SRP19: variants seen among roughly 807,000 people sequenced by gnomAD.
The protein encoded by SRP19 is signal recognition particle 19.
A neutral mutation model predicts 22.4 loss-of-function variants in SRP19; 11 were observed. The observed-to-expected ratio is 0.49, with a 90% CI of 0.31 to 0.81. SRP19 has a LOEUF of 0.81. Among genes scored for constraint, SRP19 ranks in the 40% least tolerant of loss-of-function variants. SRP19 has a pLI of 0.05. For synonymous variants in SRP19, 61 were observed against 57.6 expected, an observed-to-expected ratio of 1.06 and a Z score of -0.27; for missense variants, 168 against 175.9, an observed-to-expected ratio of 0.96 and a Z score of 0.25.
At chr5:112,872,113 C>T (rs1459461437), downstream of SRP19, among the ~76,000 whole-genome samples, 1 of 152,174 alleles carries the variant, frequency 6.6e-6, no homozygotes, top group Non-Finnish European at 1.5e-5. Flanking sequence ...TTCCTATCTT[C>T]CTAGCCTACC....
At chr5:112,864,354 T>G in intron 2 of SRP19, 103 bp from the exon 3 acceptor site, 1 of 992,754 alleles carries the variant, frequency 1.0e-6, no homozygotes, top group Non-Finnish European at 1.5e-6. Context: ...AACCTAGGGT[T>G]TTGGTACTTG....
chr5:112,890,726 G>A (rs1028489296), intron 4 of SRP19, among the ~76,000 whole-genome samples: 1 of 150,494 alleles, frequency 6.6e-6, no homozygotes, highest in Non-Finnish European at 1.5e-5. Context: ...CCAACAAAGA[G>A]GGATTCAAAG....
At chr5:112,876,781 C>T (rs950660142) in intron 4 of SRP19, 2 of 152,146 alleles carry the variant, frequency 1.3e-5, no homozygotes, top group African/African-American at 2.4e-5. Flanking sequence ...AACATTTACA[C>T]TTAGACTGCC....
downstream of SRP19, chr5:112,894,140 T>G (rs375897522): frequency 6.5e-4 from 94 of 145,036 alleles, no homozygotes; most frequent in African/African-American, 2.3e-3. Context: ...TTTTTTTTTT[T>G]GAGACGGAGT....
At position 112,864,482 on chromosome 5, in the gene SRP19, A is replaced by G. The variant is rs1561638253; in HGVS notation, c.143A>G (p.Glu48Gly). 6.2e-7 allele frequency: 1 copy of G among 1,613,702 alleles called. No homozygotes were observed. Among genetic ancestry groups the G allele is most frequent in the Non-Finnish European group, 8.5e-7 (1 of 1,180,000 alleles). Residue 48 changes from glutamate (E) to glycine (G), a missense_variant, in exon 3 of 5, where the codon GAG becomes GGG. Transcript: ENST00000505459. ...SKAVENPTAT[E>G]IQDVCSAVGL... ...GCTGTTGAAAATCCTACAGCTACAGAGATTCAAGATGTATGTTCAGCAGTT... is the reference window on the plus strand; with the variant it reads ...GCTGTTGAAAATCCTACAGCTACAGGGATTCAAGATGTATGTTCAGCAGTT...
At chr5:112,890,743 T>C (rs926562653) in intron 4 of SRP19, among the ~76,000 whole-genome samples, 1 of 150,704 alleles carries the variant, frequency 6.6e-6, no homozygotes, top group South Asian at 2.1e-4. Flanking sequence ...AAAGAGTTAA[T>C]ATAGTATATA....
chr5:112,867,283 T>G, intron 4 of SRP19, 121 bp from the exon 5 acceptor site: 1 of 1,246,408 alleles, frequency 8.0e-7, no homozygotes, highest in Non-Finnish European at 1.1e-6. Flanking sequence ...TTTGATTTTT[T>G]AAAAAAGTTA....
Position 112,861,363 on chromosome 5 carries a change from A to G in SRP19, c.-14A>G. On this transcript the variant is annotated 5_prime_UTR_variant, in exon 1 of 5. Transcript: ENST00000505459. ...TCTCCCTGCGGCTCCTGGGTTGTTG[A>G]GACTCTTGTGAAGATGGCTTGCGCT... 3 of 1,614,136 alleles carry G rather than the reference A, an allele frequency of 1.9e-6. No homozygotes were observed. Among genetic ancestry groups the G allele is most frequent in the South Asian group, 1.1e-5 (1 of 91,088 alleles).
At chr5:112,897,083 T>A (rs1436977070), downstream of SRP19, 1 of 152,174 alleles carries the variant, frequency 6.6e-6, no homozygotes, top group Non-Finnish European at 1.5e-5. Context: ...TAGATAGCTA[T>A]GTCAAAAAAT....
In SRP19 at chr5:112,890,074, C is replaced by T. The variant is rs184500991; in HGVS notation, c.302-1529C>T. On this transcript the variant is annotated intron_variant, in intron 4 of 4. Transcript: ENST00000391338. ...ACTCCTGACCTCAAATGATCCACCCCCATCGGCCTCCCAAAGTGCTGGGAT... is the reference window on the plus strand; with the variant it reads ...ACTCCTGACCTCAAATGATCCACCCTCATCGGCCTCCCAAAGTGCTGGGAT... Among the ~76,000 whole-genome samples the T allele has an allele frequency of 3.1e-4, 47 of 150,106 alleles. 3 individuals carry two copies. The highest frequency in any genetic ancestry group is 1.2e-3 in the African/African-American group (47 of 40,242).
downstream of SRP19, chr5:112,893,496 C>T (rs1768570762): frequency 6.4e-6 from 1 of 156,372 alleles, no homozygotes; most frequent in African/African-American, 2.4e-5. Context: ...CTGCCATAAT[C>T]TCCATGTTAT....
At chr5:112,892,756 G>A in exon 5 of SRP19, 1 of 1,613,894 alleles carries the variant, frequency 6.2e-7, no homozygotes, top group South Asian at 1.1e-5. Flanking sequence ...GGAGAAGATG[G>A]GCCACCACGA....
At chr5:112,883,404 TCTC>T (rs765824253) in intron 4 of SRP19, among the ~76,000 whole-genome samples, 8 of 152,114 alleles carry the variant, frequency 5.3e-5, no homozygotes, top group Non-Finnish European at 8.8e-5. Context: ...ACAGATCACT[TCTC>T]CTCTCTGAAA....
chr5:112,889,073 C>A (rs964830823), intron 4 of SRP19, among the ~76,000 whole-genome samples: 4 of 150,874 alleles, frequency 2.7e-5, no homozygotes, highest in Non-Finnish European at 4.4e-5. Flanking sequence ...GCTTTTCCTT[C>A]ATCTTCCACC....
chr5:112,867,961 A>G lies in SRP19; in HGVS notation c.*424A>G. ...GCTAGGAGAGGAGGGATAATTAAGA[A>G]TAAAATATGTAGTGAAAGTTTCCAT... is the stretch of plus-strand genomic sequence containing the variant. On this transcript the variant is annotated 3_prime_UTR_variant, in exon 5 of 5. Coordinates refer to ENST00000505459, the MANE Select transcript of SRP19 (RefSeq NM_003135.3). The G allele has an allele frequency of 9.1e-6, 9 of 987,432 alleles. No individual in the cohort carries two copies. Among genetic ancestry groups the G allele is most frequent in the Non-Finnish European group, 1.1e-5 (9 of 831,034 alleles). 61.2% of individuals were successfully genotyped at this position (987,432 alleles called of 1,614,324 possible).
chr5:112,888,538 G>A (rs1197808347), intron 4 of SRP19, among the ~76,000 whole-genome samples: 2 of 152,102 alleles, frequency 1.3e-5, no homozygotes, highest in Admixed American at 6.6e-5. Context: ...TCTTCCCACA[G>A]CCTCCCAAGT....
chr5:112,892,337 G>C (rs1347559837), exon 5 of SRP19: 1 of 1,614,142 alleles, frequency 6.2e-7, no homozygotes, highest in Non-Finnish European at 8.5e-7. Flanking sequence ...CTGGAGTACA[G>C]CGAGGAAGAA....
chr5:112,871,293 TA>T (rs202050956), downstream of SRP19, among the ~76,000 whole-genome samples: 1,510 of 141,136 alleles, frequency 0.011, 29 homozygotes, highest in Non-Finnish European at 0.013. Context: ...GTGAAAACTG[TA>T]ATCTTTTTAA....
intron 4 of SRP19, among the ~76,000 whole-genome samples, chr5:112,890,123 G>T (rs546919208): frequency 6.7e-6 from 1 of 149,974 alleles, no homozygotes; most frequent in Admixed American, 6.7e-5. Context: ...CACCGCACCC[G>T]GCCACAAAAA....
Sources: allele counts gnomAD v4.1 joint callset (sites outside exome capture counted in the v4.1 genomes callset), GRCh38; gene constraint gnomAD v4.1.1; transcripts MANE v1.5; gene names NCBI Gene and HGNC (gene_info 2026-07-23, HGNC 2026-07-21).